The following MGAM variants were observed in gnomAD, a reference collection of about 807,000 sequenced individuals.
MGAM encodes the protein maltase-glucoamylase.
In MGAM, 253 loss-of-function variants were observed where a neutral mutation model predicts 358.8. The ratio of observed to expected loss-of-function variants is 0.71; its 90% CI spans 0.64 to 0.78. The LOEUF is 0.78. Ranked by LOEUF, MGAM falls within the 30% of genes least tolerant of loss-of-function variation. The pLI is 0.00. For missense variants in MGAM, 3,080 were observed against 3,432.6 expected, an observed-to-expected ratio of 0.90 and a Z score of 2.57; for synonymous variants, 1,105 against 1,227.1, an observed-to-expected ratio of 0.90 and a Z score of 2.08.
chr7:142,021,877 T>G (rs1806495731), intron 6 of MGAM, 140 bp downstream of exon 6: 1 of 850,458 alleles, frequency 1.2e-6, no homozygotes, highest in South Asian at 1.7e-5. Context: ...CCTTCTAAAG[T>G]ATACATTTTT....
intron 2 of MGAM, among the ~76,000 whole-genome samples, chr7:142,006,462 G>A (rs956285583): frequency 2.6e-5 from 4 of 152,120 alleles, no homozygotes; most frequent in African/African-American, 9.7e-5. Context: ...TGGCCCTCCA[G>A]AAAGTCAACA....
rs747566723 is a variant in MGAM, at chr7:142,047,884, A to T, written c.2587+11A>T. On this transcript the variant is annotated intron_variant, in intron 22 of 70. Transcript: ENST00000475668. ...ATGGGGAAACGAAGGGTGAGCACTTATACGATAATGTTGCTGTTTCCCAAC... is the reference window on the plus strand; with the variant it reads ...ATGGGGAAACGAAGGGTGAGCACTTTTACGATAATGTTGCTGTTTCCCAAC... The T allele has an allele frequency of 1.3e-6, 2 of 1,583,812 alleles. No homozygotes were observed.
intron 26 of MGAM, 63 bp from the exon 27 acceptor site, chr7:142,054,691 T>A (rs1811317396): frequency 6.5e-7 from 1 of 1,527,698 alleles, no homozygotes. Context: ...TCAAAAAGGT[T>A]CTGCTAAGGG....
chr7:142,044,158 TATAATATATACATTATATACACATACGAC>T lies in MGAM; in HGVS notation c.2498+3316_2498+3344del, dbSNP rs1213287130. 1.5e-4 allele frequency among the ~76,000 whole-genome samples: 22 copies of T among 144,118 alleles called. 3 individuals carry two copies. Among genetic ancestry groups the T allele is most frequent in the East Asian group, 1.0e-3 (5 of 4,990 alleles). The allele number at this position is 144,118 out of a possible 152,430, so 94.5% of individuals were successfully genotyped here. ...ATGTACATTATATACACATACGACG[TATAATATATACATTATATACACATACGAC>T]ATATAATATATAATATATACATTAT... On this transcript the variant is annotated intron_variant, in intron 21 of 70. Coordinates refer to ENST00000475668, the MANE Select transcript of MGAM (RefSeq NM_001365693.1).
chr7:142,041,575 T>A (rs923210244), intron 21 of MGAM, among the ~76,000 whole-genome samples: 1 of 151,878 alleles, frequency 6.6e-6, no homozygotes, highest in Non-Finnish European at 1.5e-5. Context: ...AGTCTTTCAT[T>A]AATAGGGTAT....
rs117480163 is a variant in MGAM, at chr7:142,100,274, C to T, written c.7875-528C>T. On this transcript the variant is annotated intron_variant, in intron 67 of 70. Transcript: ENST00000475668. ...AATTCTGTGAGGTTAGTACTGTTAC[C>T]ACCATTTCATAGATGAGCAAAAAGG... 7.8e-4 allele frequency among the ~76,000 whole-genome samples: 119 copies of T among 152,202 alleles called. 1 individual carries two copies. The South Asian group carries it at 0.018, about 23-fold the overall frequency.
In MGAM at chr7:142,102,768, TTTC is replaced by T. The variant is rs148535229; in HGVS notation, c.8013+93_8013+95del. The T allele has an allele frequency of 3.5e-3, 4,371 of 1,233,524 alleles. 108 individuals are homozygous for T. In the African/African-American group the frequency reaches 0.057, roughly 16 times the overall value. 76.4% of individuals were successfully genotyped at this position (1,233,524 alleles called of 1,614,324 possible). On this transcript the variant is annotated intron_variant, in intron 69 of 70. Coordinates refer to ENST00000475668, the MANE Select transcript of MGAM (RefSeq NM_001365693.1). ...TAAGGGCATAAAATACCACCTAGAA[TTTC>T]TTCATTGCTCATCTTGCTAATTCAC... is the stretch of plus-strand genomic sequence containing the variant.
chr7:142,063,259 A>G (rs1053205609), intron 35 of MGAM, among the ~76,000 whole-genome samples: 5 of 152,006 alleles, frequency 3.3e-5, no homozygotes, highest in Non-Finnish European at 7.4e-5. Flanking sequence ...ATTTCTGGAA[A>G]TTTGATTGCC....
At position 142,082,035 on chromosome 7, in the gene MGAM, G is replaced by A; in HGVS notation, c.6003-7G>A. 6.4e-7 allele frequency: 1 copy of A among 1,554,470 alleles called. No homozygotes were observed. The highest frequency in any genetic ancestry group is 1.1e-5 in the South Asian group (1 of 89,172). On this transcript the variant is annotated splice_polypyrimidine_tract_variant and splice_region_variant and intron_variant, in intron 50 of 70. Transcript: ENST00000475668. ...TTCTGTTTCAAATCTGCCTTTTTGT[G>A]TTTCAGTTGGGACTCTCAGCTCCTT...
intron 14 of MGAM, 140 bp downstream of exon 14, chr7:142,033,049 G>A: frequency 1.9e-6 from 1 of 520,512 alleles, no homozygotes; most frequent in Non-Finnish European, 3.3e-6. Context: ...AATATATAAG[G>A]AAAACTAGGA....
Position 142,034,822 on chromosome 7 carries a change from AC to A in MGAM, c.1942del (p.Leu648PhefsTer59), listed in dbSNP as rs749861352. The A allele has an allele frequency of 2.9e-5, 47 of 1,612,328 alleles. No individual in the cohort carries two copies. The highest frequency in any genetic ancestry group is 3.6e-5 in the Non-Finnish European group (42 of 1,178,938). On this transcript the variant is annotated frameshift_variant, in exon 16 of 71. Coordinates refer to ENST00000475668, the MANE Select transcript of MGAM (RefSeq NM_001365693.1). LOFTEE classifies it high-confidence loss of function. ...TCCATCCCTGGCGTGCTTGAGTTCA[AC>A]CTTTTTGGCATCCCAATGGTGAGCT... ...RWSIPGVLEF[N>X]LFGIPMVGPD... is the part of the protein sequence containing the mutation.
rs565509147 is a variant in MGAM at position 142,095,819 on chromosome 7, A to T, written c.7607+106A>T. On this transcript the variant is annotated intron_variant, in intron 64 of 70. Transcript: ENST00000475668. ...AAAGACATGATTGCCTTTTGACATG[A>T]GCTCTTCAGGTGCAGACCATACTTT... 12 of 1,512,924 alleles carry T rather than the reference A, an allele frequency of 7.9e-6. No homozygotes were observed. The South Asian group carries it at 1.4e-4, about 17-fold the overall frequency. 93.7% of individuals were successfully genotyped at this position (1,512,924 alleles called of 1,614,324 possible). A position where few individuals can be genotyped will look rare whatever the true frequency, so the allele number is the denominator to read the frequency against.
chr7:142,030,816 GTC>G (rs1251458236), intron 12 of MGAM, 59 bp downstream of exon 12: 4 of 970,694 alleles, frequency 4.1e-6, no homozygotes, highest in South Asian at 2.6e-5. Flanking sequence ...GTTTGAATGT[GTC>G]TGTGTGTGTG....
Position 142,068,604 on chromosome 7 carries a change from G to A in MGAM, c.5005-43G>A. ...TAAGCAGTTTGGTTACTCTGTCCTG[G>A]AAAATGGTGGCACTGCCTCACCTTG... On this transcript the variant is annotated intron_variant, in intron 42 of 70. Coordinates refer to ENST00000475668, the MANE Select transcript of MGAM (RefSeq NM_001365693.1). 6 of 1,410,266 alleles carry A rather than the reference G, an allele frequency of 4.3e-6. 1 individual carries two copies. Among genetic ancestry groups the A allele is most frequent in the Non-Finnish European group, 6.0e-6 (6 of 1,003,358 alleles). 87.4% of individuals were successfully genotyped at this position (1,410,266 alleles called of 1,614,324 possible). A position where few individuals can be genotyped will look rare whatever the true frequency, so the allele number is the denominator to read the frequency against.
At chr7:142,048,600 A>T (rs1176175360) in intron 22 of MGAM, among the ~76,000 whole-genome samples, 1 of 151,412 alleles carries the variant, frequency 6.6e-6, no homozygotes, top group Non-Finnish European at 1.5e-5. Flanking sequence ...CAGTGAGAAT[A>T]TACTTTTTAG....
chr7:141,999,064 A>G (rs1394589754), intron 1 of MGAM, among the ~76,000 whole-genome samples: 2 of 151,970 alleles, frequency 1.3e-5, no homozygotes, highest in Non-Finnish European at 2.9e-5. Context: ...TTTTCTATTC[A>G]TGGGAACATA....
In MGAM at chr7:142,049,958, G is replaced by A. The variant is rs1449661986; in HGVS notation, c.2588-277G>A. On this transcript the variant is annotated intron_variant, in intron 22 of 70. Transcript: ENST00000475668. ...TCCCACTTCTGGGTGTATATCCAGAGGACATGAAACCAGTATCTTTAAGAG... is the reference window on the plus strand; with the variant it reads ...TCCCACTTCTGGGTGTATATCCAGAAGACATGAAACCAGTATCTTTAAGAG... Among the ~76,000 whole-genome samples, 7 of 152,084 alleles carry A rather than the reference G, an allele frequency of 4.6e-5. No homozygotes were observed. In the East Asian group the frequency reaches 1.3e-3, roughly 29 times the overall value.
intron 14 of MGAM, among the ~76,000 whole-genome samples, chr7:142,033,666 A>G (rs1005007790): frequency 6.6e-6 from 1 of 152,194 alleles, no homozygotes; most frequent in East Asian, 1.9e-4. Flanking sequence ...TCTTTTAGTA[A>G]TAGAGAAGCA....
intron 1 of MGAM, among the ~76,000 whole-genome samples, chr7:141,996,389 A>G (rs782534458): frequency 2.0e-5 from 3 of 152,020 alleles, no homozygotes; most frequent in Non-Finnish European, 2.9e-5. Context: ...ATGCATACAC[A>G]TGGAACAAAA....
Sources: allele counts gnomAD v4.1 joint callset (sites outside exome capture counted in the v4.1 genomes callset), GRCh38; gene constraint gnomAD v4.1.1; transcripts MANE v1.5; gene names NCBI Gene and HGNC (gene_info 2026-07-23, HGNC 2026-07-21).